Variants in STK3 observed in about 807,000 individuals in gnomAD.
The protein encoded by STK3 is serine/threonine kinase 3.
In STK3, 41 loss-of-function variants were observed where a neutral mutation model predicts 58.0. The observed-to-expected ratio is 0.71, with a 90% CI of 0.55 to 0.92. The LOEUF (loss-of-function observed/expected upper bound fraction) is 0.92. Among genes scored for constraint, STK3 ranks in the 40% least tolerant of loss-of-function variants. The probability of loss-of-function intolerance (pLI) is 0.00; values close to 1 mark genes in which losing one functional copy is unlikely to be tolerated. For synonymous variants in STK3, 170 were observed against 191.0 expected (o/e 0.89, Z 0.91); for missense variants, 479 against 602.7 (o/e 0.79, Z 2.15).
Position 98,916,767 on chromosome 8 carries a change from C to T in STK3, c.-79+25611G>A, listed in dbSNP as rs140306700. Among the ~76,000 whole-genome samples the T allele has an allele frequency of 1.8e-4, 27 of 152,328 alleles. No homozygotes were observed. The East Asian group carries it at 5.0e-3, about 28-fold the overall frequency. On this transcript the variant is annotated intron_variant, in intron 1 of 1. Transcript: ENST00000519420. Reference sequence around the variant, plus strand: ...ACTAAGATGTCTGCCCCTCGTGCAGCTTCCTAAGTAATTGTAAGATATTTT... The same window carrying T: ...ACTAAGATGTCTGCCCCTCGTGCAGTTTCCTAAGTAATTGTAAGATATTTT...
At chr8:98,876,196 T>C (rs1207820159) in intron 3 of STK3, among the ~76,000 whole-genome samples, 1 of 152,104 alleles carries the variant, frequency 6.6e-6, no homozygotes, top group Non-Finnish European at 1.5e-5. Flanking sequence ...TCCCTCTACT[T>C]CTTGGATAAT....
chr8:98,418,186 A>G (rs1451900946), intron 3 of STK3, among the ~76,000 whole-genome samples: 3 of 152,216 alleles, frequency 2.0e-5, no homozygotes, highest in Non-Finnish European at 2.9e-5. Context: ...TGCTGAGATT[A>G]CAGGCATGAG....
chr8:98,868,249 G>A (rs1038508526), intron 3 of STK3, among the ~76,000 whole-genome samples: 1 of 152,170 alleles, frequency 6.6e-6, no homozygotes, highest in South Asian at 2.1e-4. Flanking sequence ...TAGAAATCTT[G>A]GACAGTGCAT....
rs55929161 is a variant in STK3 at position 98,923,828 on chromosome 8, C to CGTGTGT, written c.-79+18544_-79+18549dup. Among the ~76,000 whole-genome samples, 839 of 144,330 alleles carry CGTGTGT rather than the reference C, an allele frequency of 5.8e-3. 7 individuals carry two copies. Among genetic ancestry groups the CGTGTGT allele is most frequent in the African/African-American group, 0.015 (573 of 38,542 alleles). 94.7% of individuals were successfully genotyped at this position (144,330 alleles called of 152,430 possible). A position where few individuals can be genotyped will look rare whatever the true frequency, so the allele number is the denominator to read the frequency against. On this transcript the variant is annotated intron_variant, in intron 1 of 1. Transcript: ENST00000519420. ...TATGCAGGTTACAGTTTTGCAAAAA[C>CGTGTGT]GTGTGTGTGTGTGTGTGTGTGTGTG...
At chr8:98,804,281 C>A (rs1244340916) in intron 1 of STK3, among the ~76,000 whole-genome samples, 1 of 152,098 alleles carries the variant, frequency 6.6e-6, no homozygotes, top group East Asian at 1.9e-4. Flanking sequence ...GGATTACAGG[C>A]GTGAGCCACC....
chr8:98,772,438 C>A (rs1267539650), intron 2 of STK3, among the ~76,000 whole-genome samples: 1 of 152,012 alleles, frequency 6.6e-6, no homozygotes. Flanking sequence ...GTGGCTCGTG[C>A]CTGTCATCCC....
intron 4 of STK3, among the ~76,000 whole-genome samples, chr8:98,737,141 A>G (rs912464842): frequency 2.0e-5 from 3 of 152,194 alleles, no homozygotes; most frequent in African/African-American, 7.2e-5. Flanking sequence ...ATGTTTTTAT[A>G]TCTTTTTTTA....
At chr8:98,831,133 T>C (rs1835520785) in intron 3 of STK3, among the ~76,000 whole-genome samples, 1 of 152,176 alleles carries the variant, frequency 6.6e-6, no homozygotes, top group African/African-American at 2.4e-5. Flanking sequence ...ATCTGCAATT[T>C]GAGATCCAGT....
At chr8:98,722,977 C>CA in intron 4 of STK3, 9 of 413,178 alleles carry the variant, frequency 2.2e-5, no homozygotes, top group East Asian at 6.9e-5. Flanking sequence ...TCCCTTAAAA[C>CA]AAACAAAAAA....
chr8:98,626,971 C>G (rs1818767111), intron 6 of STK3, among the ~76,000 whole-genome samples: 1 of 152,104 alleles, frequency 6.6e-6, no homozygotes, highest in Non-Finnish European at 1.5e-5. Context: ...TTTAAGAGTA[C>G]AGAATGTAGA....
chr8:98,570,371 G>A (rs1266683448), intron 8 of STK3, among the ~76,000 whole-genome samples: 1 of 151,744 alleles, frequency 6.6e-6, no homozygotes, highest in East Asian at 1.9e-4. Flanking sequence ...GAACACCTGG[G>A]CTCAAGCAAT....
intron 3 of STK3, among the ~76,000 whole-genome samples, chr8:98,422,880 C>T (rs577861862): frequency 9.2e-5 from 14 of 152,326 alleles, no homozygotes; most frequent in Non-Finnish European, 1.9e-4. Flanking sequence ...TAAGAAATGC[C>T]GATTTGCCCT....
intron 6 of STK3, among the ~76,000 whole-genome samples, chr8:98,632,624 T>C (rs1036044434): frequency 2.0e-5 from 3 of 152,220 alleles, no homozygotes; most frequent in African/African-American, 7.2e-5. Flanking sequence ...AAGTTCAACA[T>C]TAACATTTTA....
intron 3 of STK3, among the ~76,000 whole-genome samples, chr8:98,753,741 A>C (rs1363939723): frequency 6.6e-6 from 1 of 151,094 alleles, no homozygotes; most frequent in Non-Finnish European, 1.5e-5. Context: ...CAATAAATAC[A>C]AAAAAAAATA....
At chr8:98,599,766 G>T (rs4573238) in intron 6 of STK3, among the ~76,000 whole-genome samples, 7,037 of 152,174 alleles carry the variant, frequency 0.046, 169 homozygotes, top group East Asian at 0.063. Context: ...GAGGCCAGGA[G>T]TTCGAGACCA....
chr8:98,441,547 A>G (rs1244463042), intron 1 of STK3, among the ~76,000 whole-genome samples: 32 of 152,222 alleles, frequency 2.1e-4, no homozygotes, highest in Admixed American at 2.1e-3. Flanking sequence ...CTCCAAACCC[A>G]ACAGCCATCA....
In STK3 at chr8:98,597,802, A is replaced by G. The variant is rs1255200513; in HGVS notation, c.685-1633T>C. On this transcript the variant is annotated intron_variant, in intron 6 of 10. Transcript: ENST00000419617. ...TAGGATACATATCTCAGACCCCCAGAGCTCACAGTCAACTTGTGCAGAAAA... is the reference window on the plus strand; with the variant it reads ...TAGGATACATATCTCAGACCCCCAGGGCTCACAGTCAACTTGTGCAGAAAA... 135 of 984,954 alleles carry G rather than the reference A, an allele frequency of 1.4e-4. 1 individual carries two copies. The highest frequency in any genetic ancestry group is 1.6e-4 in the Non-Finnish European group (133 of 829,834). 61.0% of individuals were successfully genotyped at this position (984,954 alleles called of 1,614,324 possible).
In STK3 at chr8:98,428,375, G is replaced by A. The variant is rs1200308412; in HGVS notation, n.483+5752C>T. Reference sequence around the variant, plus strand: ...ATGGCCGCAAAGTAGAGCCCGAGCAGGAGAAGTGGGACGAGCAGAGTGACC... The same window carrying A: ...ATGGCCGCAAAGTAGAGCCCGAGCAAGAGAAGTGGGACGAGCAGAGTGACC... On this transcript the variant is annotated intron_variant and non_coding_transcript_variant, in intron 3 of 3. Transcript: ENST00000517832. This position sits in a 1 kb window ranked among gnomAD's most constrained non-coding sequence, Gnocchi z 6.7. The A allele has an allele frequency of 6.2e-7, 1 of 1,614,164 alleles. No homozygotes were observed. Among genetic ancestry groups the A allele is most frequent in the South Asian group, 1.1e-5 (1 of 91,074 alleles).
Position 98,526,918 on chromosome 8 carries a change from C to A in STK3, c.1142-1G>T, listed in dbSNP as rs113119265. On this transcript the variant is annotated splice_acceptor_variant, in intron 9 of 10. Coordinates refer to ENST00000419617, the MANE Select transcript of STK3 (RefSeq NM_006281.4). LOFTEE classifies it high-confidence loss of function. The stretch of plus-strand genomic sequence containing the variant: ...TGTACTTGTGGTGAGGTTGCATTTC[C>A]TTAGGTAAACAAAGAACATAAGGAA... 2 of 1,535,006 alleles carry A rather than the reference C, an allele frequency of 1.3e-6. No homozygotes were observed. The highest frequency in any genetic ancestry group is 1.8e-6 in the Non-Finnish European group (2 of 1,135,128).
Sources: gnomAD v4.1 joint callset for allele counts (sites outside exome capture counted in the v4.1 genomes callset) on GRCh38, gnomAD v4.1.1 for gene constraint, Gnocchi (gnomAD v3.1) non-coding constraint, MANE v1.5 for transcripts, NCBI Gene and HGNC (gene_info 2026-07-23, HGNC 2026-07-21) for gene names.